The following SLC9B1 variants were observed in gnomAD, a reference collection of about 807,000 sequenced individuals.
SLC9B1 encodes sodium/hydrogen exchanger 9B1.
Under a neutral mutation model 51.7 loss-of-function variants are expected in SLC9B1, and 32 were observed. The ratio of observed to expected loss-of-function variants is 0.62; its 90% confidence interval spans 0.47 to 0.83. SLC9B1 has a LOEUF of 0.83. SLC9B1 is among the 40% of genes least tolerant of loss of function. The probability of loss-of-function intolerance (pLI) is 0.00; values close to 1 mark genes in which losing one functional copy is unlikely to be tolerated. For synonymous variants in SLC9B1, 145 were observed against 212.7 expected (o/e 0.68, Z 2.77); for missense variants, 406 against 613.2 (o/e 0.66, Z 3.57).
chr4:102,918,813 G>T (rs184671373), intron 7 of SLC9B1, among the ~76,000 whole-genome samples: 3 of 152,194 alleles, frequency 2.0e-5, no homozygotes, highest in Non-Finnish European at 2.9e-5. Context: ...AATTTCTGTT[G>T]TTCATAAATT....
At chr4:102,972,914 A>C (rs1738840106) in intron 3 of SLC9B1, among the ~76,000 whole-genome samples, 1 of 152,190 alleles carries the variant, frequency 6.6e-6, no homozygotes. Flanking sequence ...TTAATTTTTT[A>C]ATTACTTGTT....
At chr4:103,000,603 A>C (rs1358109427) in intron 1 of SLC9B1, among the ~76,000 whole-genome samples, 4 of 152,222 alleles carry the variant, frequency 2.6e-5, no homozygotes, top group Admixed American at 2.6e-4. Context: ...ACGTAAGTCT[A>C]AAATCCAGTG....
chr4:102,893,555 A>AT (rs1560911779), intron 11 of SLC9B1, among the ~76,000 whole-genome samples: 1 of 152,142 alleles, frequency 6.6e-6, no homozygotes, highest in African/African-American at 2.4e-5. Context: ...AGTATCCCAA[A>AT]TTTTTTTTAA....
intron 9 of SLC9B1, among the ~76,000 whole-genome samples, chr4:102,909,678 G>C (rs1326360439): frequency 6.6e-6 from 1 of 152,272 alleles, no homozygotes; most frequent in African/African-American, 2.4e-5. Flanking sequence ...CGATCTTAAT[G>C]TCTATAAATA....
At chr4:102,886,201 C>T (rs1260834456) in intron 11 of SLC9B1, among the ~76,000 whole-genome samples, 1 of 152,056 alleles carries the variant, frequency 6.6e-6, no homozygotes, top group African/African-American at 2.4e-5. Flanking sequence ...AAAACGAATA[C>T]ACGCAGGCCA....
chr4:102,913,796 T>TAAAAAAAAAAAAAAAAAAAAAAAAACA (rs61244946), intron 7 of SLC9B1, among the ~76,000 whole-genome samples: 2 of 71,440 alleles, frequency 2.8e-5, no homozygotes, highest in African/African-American at 5.3e-5. Flanking sequence ...AGATAGAAAC[T>TAAAAAAAAAAAAAAAAAAAAAAAAACA]AAAAAAAAAA....
At chr4:102,972,503 C>A (rs2110500378) in intron 3 of SLC9B1, among the ~76,000 whole-genome samples, 1 of 152,256 alleles carries the variant, frequency 6.6e-6, no homozygotes, top group South Asian at 2.1e-4. Context: ...GCCTCGGCCT[C>A]CCAAAGTGCT....
At chr4:102,976,304 A>T (rs572400246) in intron 3 of SLC9B1, among the ~76,000 whole-genome samples, 1 of 152,216 alleles carries the variant, frequency 6.6e-6, no homozygotes, top group African/African-American at 2.4e-5. Flanking sequence ...TTGAATGTAG[A>T]TATCAGTATT....
chr4:103,002,740 T>G (rs546707232), intron 1 of SLC9B1, among the ~76,000 whole-genome samples: 1 of 152,322 alleles, frequency 6.6e-6, no homozygotes, highest in African/African-American at 2.4e-5. Flanking sequence ...TGAGCAGCCC[T>G]ATCCATGGTC....
chr4:102,989,537 A>T (rs190812709), intron 3 of SLC9B1, among the ~76,000 whole-genome samples: 1 of 152,074 alleles, frequency 6.6e-6, no homozygotes, highest in East Asian at 1.9e-4. Context: ...CCTTTAATCA[A>T]TGATGTTTCT....
At chr4:103,006,596 A>T (rs2110535939) in intron 1 of SLC9B1, among the ~76,000 whole-genome samples, 1 of 152,294 alleles carries the variant, frequency 6.6e-6, no homozygotes. Flanking sequence ...TCCTACTGAA[A>T]ATATTCCAAA....
chr4:102,928,496 C>G (rs1327514498), intron 7 of SLC9B1, among the ~76,000 whole-genome samples: 2 of 152,214 alleles, frequency 1.3e-5, no homozygotes, highest in Non-Finnish European at 2.9e-5. Context: ...CCCACATCTT[C>G]TGGTCTTCTT....
At chr4:102,958,203 C>A (rs1405248498) in intron 3 of SLC9B1, among the ~76,000 whole-genome samples, 2 of 152,140 alleles carry the variant, frequency 1.3e-5, no homozygotes, top group Non-Finnish European at 2.9e-5. Context: ...ATGGTTAGTA[C>A]CATCCTCTTG....
intron 9 of SLC9B1, among the ~76,000 whole-genome samples, 161 bp downstream of exon 9, chr4:102,910,278 G>A (rs1000875012): frequency 2.0e-5 from 3 of 152,064 alleles, no homozygotes; most frequent in African/African-American, 7.2e-5. Flanking sequence ...ATTTCCAGGT[G>A]CTTTTCCTAA....
chr4:102,961,294 A>T (rs1738105217), intron 3 of SLC9B1, among the ~76,000 whole-genome samples: 1 of 152,266 alleles, frequency 6.6e-6, no homozygotes, highest in African/African-American at 2.4e-5. Flanking sequence ...GACTAAAAAA[A>T]GGTACAAAAC....
At chr4:102,902,932 G>A (rs1734855299) in intron 11 of SLC9B1, among the ~76,000 whole-genome samples, 1 of 152,126 alleles carries the variant, frequency 6.6e-6, no homozygotes, top group South Asian at 2.1e-4. Context: ...CGGTGGAAGA[G>A]GATAAAGGTG....
Position 102,901,055 on chromosome 4 carries a change from A to G in SLC9B1, c.*62T>C, listed in dbSNP as rs557952411. 4.0e-5 allele frequency: 64 copies of G among 1,603,532 alleles called. No individual in the cohort carries two copies. The highest frequency in any genetic ancestry group is 5.3e-5 in the Non-Finnish European group (62 of 1,177,524). On this transcript the variant is annotated 3_prime_UTR_variant, in exon 12 of 12. Coordinates refer to ENST00000296422, the MANE Select transcript of SLC9B1 (RefSeq NM_139173.4). ...AGTCCCCACATATTTCTACTTTAAAATTCTTCTGTCATGTGAAATAATTCA... is the reference window on the plus strand; with the variant it reads ...AGTCCCCACATATTTCTACTTTAAAGTTCTTCTGTCATGTGAAATAATTCA...
chr4:102,963,235 C>T (rs1738236386), intron 3 of SLC9B1: 2 of 340,856 alleles, frequency 5.9e-6, no homozygotes, highest in Admixed American at 4.0e-5. Context: ...AGCCTCAACT[C>T]TGGAGTTATT....
chr4:102,946,577 G>C (rs1207329416), intron 5 of SLC9B1, 70 bp downstream of exon 5: 6 of 1,499,126 alleles, frequency 4.0e-6, no homozygotes, highest in Non-Finnish European at 5.4e-6. Context: ...TAAAATTTTT[G>C]CTTCTTTTTC....
Sources: allele counts gnomAD v4.1 joint callset (sites outside exome capture counted in the v4.1 genomes callset), GRCh38; gene constraint gnomAD v4.1.1; transcripts MANE v1.5; gene names NCBI Gene and HGNC (gene_info 2026-07-23, HGNC 2026-07-21).